The following SNTG1 variants were observed in gnomAD, a reference collection of about 807,000 sequenced individuals.
SNTG1 encodes the protein gamma-1-syntrophin.
A neutral mutation model predicts 74.7 loss-of-function variants in SNTG1; 39 were observed. The observed-to-expected ratio is 0.52, with a 90% CI of 0.40 to 0.68. The LOEUF is 0.68. SNTG1 is among the 30% of genes least tolerant of loss of function. SNTG1 has a pLI of 0.00. For missense variants in SNTG1, 685 were observed against 609.5 expected (o/e 1.12, Z -1.30); for synonymous variants, 254 against 217.1 (o/e 1.17, Z -1.49).
chr8:50,519,279 A>C (rs892701285), intron 9 of SNTG1, among the ~76,000 whole-genome samples: 3 of 152,312 alleles, frequency 2.0e-5, no homozygotes, highest in African/African-American at 7.2e-5. Flanking sequence ...ACTCTCAATA[A>C]ACTAGGTATT....
intron 4 of SNTG1, among the ~76,000 whole-genome samples, chr8:50,413,512 A>G (rs1012474575): frequency 1.3e-5 from 2 of 152,316 alleles, no homozygotes; most frequent in South Asian, 4.1e-4. Flanking sequence ...ATCCATGCCC[A>G]TCCACGCCCC....
Position 50,121,905 on chromosome 8 carries a change from T to C in SNTG1, c.-102-50656T>C, listed in dbSNP as rs2081008905. On this transcript the variant is annotated intron_variant, in intron 1 of 18. Transcript: ENST00000642720. ...GAGAATAAATGCAATAAGGCAATAATATACACTTTAAATACAAATCTTAAG... is the reference window on the plus strand; with the variant it reads ...GAGAATAAATGCAATAAGGCAATAACATACACTTTAAATACAAATCTTAAG... Among the ~76,000 whole-genome samples the C allele has an allele frequency of 2.1e-5, 3 of 142,290 alleles. 1 individual carries two copies. The South Asian group carries it at 7.9e-4, about 37-fold the overall frequency. 93.3% of individuals were successfully genotyped at this position (142,290 alleles called of 152,430 possible).
chr8:50,467,492 T>C (rs1341525872), intron 8 of SNTG1, among the ~76,000 whole-genome samples: 1 of 151,886 alleles, frequency 6.6e-6, no homozygotes, highest in East Asian at 1.9e-4. Flanking sequence ...GATCCCTCTT[T>C]CATTTCTGAC....
intron 1 of SNTG1, among the ~76,000 whole-genome samples, chr8:50,133,202 G>A (rs770857322): frequency 2.0e-5 from 3 of 152,120 alleles, no homozygotes; most frequent in Non-Finnish European, 2.9e-5. Context: ...TCTAGAACAC[G>A]ATTCACCCAC....
chr8:50,190,036 T>A (rs1169183000), intron 2 of SNTG1, among the ~76,000 whole-genome samples: 1 of 152,168 alleles, frequency 6.6e-6, no homozygotes, highest in Non-Finnish European at 1.5e-5. Context: ...TGATTACTCA[T>A]AAGTCATTTG....
At chr8:50,600,916 T>A (rs1488238964) in intron 13 of SNTG1, among the ~76,000 whole-genome samples, 1 of 151,738 alleles carries the variant, frequency 6.6e-6, no homozygotes, top group African/African-American at 2.4e-5. Flanking sequence ...ACTCCTGTAA[T>A]CCTAGGACTT....
At chr8:50,467,702 T>G (rs2093620171) in intron 8 of SNTG1, among the ~76,000 whole-genome samples, 1 of 151,972 alleles carries the variant, frequency 6.6e-6, no homozygotes, top group South Asian at 2.1e-4. Context: ...GATTGCTGCT[T>G]TTTCTAATTC....
rs557921801 is a variant in SNTG1 at position 50,519,691 on chromosome 8, A to G, written c.467-10486A>G. ...AAACAGAGAGCCAAATCCTAAGTGA[A>G]CTCTCATTCACAATTGCTACAAAAG... On this transcript the variant is annotated intron_variant, in intron 9 of 18. Transcript: ENST00000642720. 1.7e-3 allele frequency among the ~76,000 whole-genome samples: 264 copies of G among 152,254 alleles called. 1 individual carries two copies. The highest frequency in any genetic ancestry group is 5.9e-3 in the African/African-American group (244 of 41,560).
intron 2 of SNTG1, among the ~76,000 whole-genome samples, chr8:50,242,525 C>A (rs1421132692): frequency 4.7e-5 from 2 of 42,422 alleles, no homozygotes; most frequent in African/African-American, 1.0e-4. Flanking sequence ...GAGAATCCAT[C>A]TCAAAAAAAA....
At chr8:50,773,684 G>GT (rs1230293073) in intron 18 of SNTG1, among the ~76,000 whole-genome samples, 3 of 152,196 alleles carry the variant, frequency 2.0e-5, no homozygotes, top group African/African-American at 7.2e-5. Flanking sequence ...TGAAATGCCA[G>GT]TTTTAAACAA....
At chr8:49,915,592 C>T (rs896045840) in intron 1 of SNTG1, among the ~76,000 whole-genome samples, 2 of 152,156 alleles carry the variant, frequency 1.3e-5, no homozygotes, top group Admixed American at 1.3e-4. Context: ...TGACCTGAGT[C>T]TATTTCAACA....
chr8:50,524,475 GA>G (rs2094204637), intron 9 of SNTG1, among the ~76,000 whole-genome samples: 1 of 151,996 alleles, frequency 6.6e-6, no homozygotes, highest in Non-Finnish European at 1.5e-5. Context: ...TTAAGTAAGT[GA>G]ATTTAAACTG....
At chr8:50,554,535 G>C (rs1472771858) in intron 12 of SNTG1, among the ~76,000 whole-genome samples, 3 of 150,336 alleles carry the variant, frequency 2.0e-5, no homozygotes, top group Admixed American at 6.6e-5. Context: ...GCCTTACCCA[G>C]GCTCATCCCT....
At chr8:50,142,580 T>C (rs140937223) in intron 1 of SNTG1, among the ~76,000 whole-genome samples, 3 of 152,176 alleles carry the variant, frequency 2.0e-5, no homozygotes, top group Non-Finnish European at 4.4e-5. Flanking sequence ...AAAATGAATG[T>C]TGATAACATT....
At chr8:49,927,178 T>A (rs1157102851) in intron 1 of SNTG1, among the ~76,000 whole-genome samples, 1 of 152,156 alleles carries the variant, frequency 6.6e-6, no homozygotes, top group Non-Finnish European at 1.5e-5. Flanking sequence ...TAGAGCCACG[T>A]GGAATACAGT....
At chr8:50,524,642 A>C (rs972500949) in intron 9 of SNTG1, among the ~76,000 whole-genome samples, 8 of 151,630 alleles carry the variant, frequency 5.3e-5, no homozygotes, top group Non-Finnish European at 1.2e-4. Context: ...ATATTACACA[A>C]CAATAAAAAT....
At chr8:50,765,105 G>C (rs1159788579) in intron 18 of SNTG1, among the ~76,000 whole-genome samples, 2 of 151,998 alleles carry the variant, frequency 1.3e-5, no homozygotes, top group African/African-American at 4.8e-5. Context: ...CTGGAGAATA[G>C]GGGGAATGGA....
intron 1 of SNTG1, among the ~76,000 whole-genome samples, chr8:50,051,931 T>G (rs1352316030): frequency 1.3e-5 from 2 of 152,086 alleles, no homozygotes; most frequent in East Asian, 3.9e-4. Flanking sequence ...TGATCTAAAT[T>G]TTTAAAAATA....
intron 13 of SNTG1, among the ~76,000 whole-genome samples, chr8:50,636,753 T>C (rs1312890940): frequency 2.0e-5 from 3 of 152,192 alleles, no homozygotes; most frequent in Non-Finnish European, 4.4e-5. Context: ...CACCTGATTT[T>C]TGGTTCTTAT....
Sources: allele counts gnomAD v4.1 joint callset (sites outside exome capture counted in the v4.1 genomes callset), GRCh38; gene constraint gnomAD v4.1.1; transcripts MANE v1.5; gene names NCBI Gene and HGNC (gene_info 2026-07-23, HGNC 2026-07-21).